EIF4E: variants seen among roughly 807,000 people sequenced by gnomAD.
EIF4E encodes eukaryotic translation initiation factor 4E.
For synonymous variants in EIF4E, 71 were observed against 88.5 expected (o/e 0.80, Z 1.11); for missense variants, 113 against 265.6 (o/e 0.43, Z 3.99).
chr4:98,885,513 T>C (rs1723881682), intron 5 of EIF4E, among the ~76,000 whole-genome samples: 1 of 152,168 alleles, frequency 6.6e-6, no homozygotes, highest in Non-Finnish European at 1.5e-5. Flanking sequence ...AGTGGGATCA[T>C]CACAGCTCAC....
At chr4:98,902,065 A>T in intron 1 of EIF4E, 83 bp from the exon 2 acceptor site, 1 of 1,330,964 alleles carries the variant, frequency 7.5e-7, no homozygotes, top group Non-Finnish European at 1.1e-6. Flanking sequence ...CTGAACTGAT[A>T]TGCTGATAAT....
rs141739033 is a variant in EIF4E, at chr4:98,925,543, C to T, written c.18+3552G>A. On this transcript the variant is annotated intron_variant, in intron 1 of 6. Transcript: ENST00000450253. ...TATCCGTTAAGAGGTAAAATGTTTC[C>T]CTTAATTTTCCCTTTCAAGCTTCTC... 2.8e-3 allele frequency among the ~76,000 whole-genome samples: 427 copies of T among 152,214 alleles called. 3 individuals carry two copies. Among genetic ancestry groups the T allele is most frequent in the African/African-American group, 9.2e-3 (383 of 41,532 alleles).
Position 98,929,101 on chromosome 4 carries a change from G to C in EIF4E, c.12C>G (p.Val4=). The C allele has an allele frequency of 3.2e-6, 5 of 1,580,680 alleles. No individual in the cohort carries two copies. Among genetic ancestry groups the C allele is most frequent in the East Asian group, 2.3e-5 (1 of 43,004 alleles). Reference sequence around the variant, plus strand: ...GGCCAAAGGCAATACTCACCGGTTCGACAGTCGCCATCTTAGATCGATCTG... The same window carrying C: ...GGCCAAAGGCAATACTCACCGGTTCCACAGTCGCCATCTTAGATCGATCTG... MAT[V]EPETTPTPNP... The change falls in exon 1 of 7, where the codon GTC becomes GTG. Residue 4 remains valine (V), a synonymous_variant. Transcript: ENST00000450253.
At chr4:98,916,809 C>CA (rs1725399537) in intron 1 of EIF4E, among the ~76,000 whole-genome samples, 1 of 151,886 alleles carries the variant, frequency 6.6e-6, no homozygotes, top group Non-Finnish European at 1.5e-5. Context: ...TACTTTTTCT[C>CA]AAAAAACTGC....
At chr4:98,915,523 A>C (rs1725338863) in intron 1 of EIF4E, among the ~76,000 whole-genome samples, 1 of 151,766 alleles carries the variant, frequency 6.6e-6, no homozygotes, top group African/African-American at 2.4e-5. Flanking sequence ...GCCAACAGCC[A>C]ATATCATATT....
intron 1 of EIF4E, chr4:98,903,503 G>C (rs1056664234): frequency 2.2e-6 from 1 of 455,276 alleles, no homozygotes; most frequent in Admixed American, 2.4e-5. Context: ...CATGATACCT[G>C]GCTAATTCTT....
chr4:98,912,143 T>A (rs1725172110), intron 1 of EIF4E, among the ~76,000 whole-genome samples: 1 of 149,702 alleles, frequency 6.7e-6, no homozygotes, highest in East Asian at 2.0e-4. Flanking sequence ...TCCCAGTTAC[T>A]TGGGAGGCTG....
intron 2 of EIF4E, among the ~76,000 whole-genome samples, chr4:98,892,858 T>C (rs928462482): frequency 5.3e-5 from 8 of 152,182 alleles, no homozygotes; most frequent in African/African-American, 1.9e-4. Flanking sequence ...TGCATAGATA[T>C]GTTCTGAAAT....
intron 1 of EIF4E, among the ~76,000 whole-genome samples, chr4:98,924,247 T>C (rs1395115635): frequency 6.6e-6 from 1 of 151,966 alleles, no homozygotes; most frequent in Non-Finnish European, 1.5e-5. Context: ...CCCAGCTAAG[T>C]TTTGTATTTT....
intron 6 of EIF4E, among the ~76,000 whole-genome samples, chr4:98,883,780 G>A (rs971984744): frequency 2.6e-5 from 4 of 151,884 alleles, no homozygotes; most frequent in Non-Finnish European, 4.4e-5. Flanking sequence ...GGTGGCTCAC[G>A]CCTGTAATCT....
chr4:98,919,161 G>A (rs1725536047), intron 1 of EIF4E, among the ~76,000 whole-genome samples: 1 of 151,946 alleles, frequency 6.6e-6, no homozygotes, highest in East Asian at 1.9e-4. Context: ...ACAAAAATTA[G>A]TTGGCAGTGG....
At chr4:98,883,198 A>C (rs1350535520) in intron 6 of EIF4E, among the ~76,000 whole-genome samples, 1 of 152,024 alleles carries the variant, frequency 6.6e-6, no homozygotes, top group African/African-American at 2.4e-5. Flanking sequence ...CTTGAACCCA[A>C]GAGGTGGAGG....
At chr4:98,911,782 T>C (rs1725152217) in intron 1 of EIF4E, among the ~76,000 whole-genome samples, 1 of 151,406 alleles carries the variant, frequency 6.6e-6, no homozygotes, top group African/African-American at 2.4e-5. Context: ...CAAATTACTT[T>C]GCACATATTA....
At chr4:98,899,308 A>G (rs1724551339) in intron 2 of EIF4E, among the ~76,000 whole-genome samples, 2 of 152,190 alleles carry the variant, frequency 1.3e-5, no homozygotes, top group South Asian at 4.1e-4. Context: ...AAAACCACAA[A>G]TCATCAATAT....
intron 1 of EIF4E, among the ~76,000 whole-genome samples, chr4:98,923,990 C>A (rs954016973): frequency 1.3e-5 from 2 of 152,146 alleles, no homozygotes; most frequent in African/African-American, 4.8e-5. Flanking sequence ...GAGACTATAA[C>A]CCATGCTCAT....
rs1159581783 is a variant in EIF4E, at chr4:98,914,361, C to CAAA, written c.19-12382_19-12380dup. On this transcript the variant is annotated intron_variant, in intron 1 of 6. Transcript: ENST00000450253. ...CTGGCAACAGAGCCAGACTCCGTCTCAAAAAAAAAAAAAAAAAAAAAAAAA... is the reference window on the plus strand; with the variant it reads ...CTGGCAACAGAGCCAGACTCCGTCTCAAAAAAAAAAAAAAAAAAAAAAAAAAAA... Among the ~76,000 whole-genome samples, 30 of 34,838 alleles carry CAAA rather than the reference C, an allele frequency of 8.6e-4. 1 individual carries two copies. Among genetic ancestry groups the CAAA allele is most frequent in the African/African-American group, 1.8e-3 (17 of 9,638 alleles). 22.9% of individuals were successfully genotyped at this position (34,838 alleles called of 152,430 possible). A position where few individuals can be genotyped will look rare whatever the true frequency, so the allele number is the denominator to read the frequency against.
At chr4:98,888,427 G>A (rs1393596054) in intron 3 of EIF4E, among the ~76,000 whole-genome samples, 4 of 152,084 alleles carry the variant, frequency 2.6e-5, no homozygotes, top group African/African-American at 4.8e-5. Context: ...TCCAAGAGTA[G>A]AATAGATCAA....
intron 1 of EIF4E, among the ~76,000 whole-genome samples, chr4:98,917,129 C>CAA (rs1725421271): frequency 1.6e-5 from 1 of 60,916 alleles, no homozygotes; most frequent in Non-Finnish European, 3.2e-5. Context: ...CACACACACA[C>CAA]ACACAAAAAA....
At chr4:98,899,665 A>G (rs192284665) in intron 2 of EIF4E, among the ~76,000 whole-genome samples, 1 of 152,318 alleles carries the variant, frequency 6.6e-6, no homozygotes, top group Non-Finnish European at 1.5e-5. Context: ...CTAATAAAAT[A>G]TATGGTGGTA....
Sources: allele counts gnomAD v4.1 joint callset (sites outside exome capture counted in the v4.1 genomes callset), GRCh38; gene constraint gnomAD v4.1.1; transcripts MANE v1.5; gene names NCBI Gene and HGNC (gene_info 2026-07-23, HGNC 2026-07-21).